Variants in OSBPL2 observed in about 807,000 individuals in gnomAD.
The protein encoded by OSBPL2 is oxysterol-binding protein-related protein 2.
A neutral mutation model predicts 58.4 loss-of-function variants in OSBPL2; 18 were observed. The ratio of observed to expected loss-of-function variants is 0.31; its 90% confidence interval spans 0.21 to 0.46. OSBPL2 has a LOEUF of 0.46. Ranked by LOEUF, OSBPL2 falls within the 20% of genes least tolerant of loss-of-function variation. The pLI, the probability that OSBPL2 is intolerant of heterozygous loss-of-function variation, is 1.00. For synonymous variants in OSBPL2, 221 were observed against 234.1 expected, an observed-to-expected ratio of 0.94 and a Z score of 0.51; for missense variants, 461 against 616.5, an observed-to-expected ratio of 0.75 and a Z score of 2.67.
chr20:62,280,393 C>T (rs28653375), intron 7 of OSBPL2, among the ~76,000 whole-genome samples: 25,165 of 152,192 alleles, frequency 0.17, 2,228 homozygotes, highest in East Asian at 0.2. Flanking sequence ...AAGTTGCACA[C>T]CTTGCTGATA....
At chr20:62,279,130 GTC>G (rs1982610746) in intron 6 of OSBPL2, 25 bp from the exon 7 acceptor site, 3 of 1,583,454 alleles carry the variant, frequency 1.9e-6, no homozygotes, top group Non-Finnish European at 1.7e-6. Context: ...CCATTAATGT[GTC>G]TCTCTTTTTT....
chr20:62,265,683 A>G (rs1358342918), intron 4 of OSBPL2, among the ~76,000 whole-genome samples: 1 of 152,250 alleles, frequency 6.6e-6, no homozygotes, highest in African/African-American at 2.4e-5. Flanking sequence ...TTTTAAAATA[A>G]ACCATTTGAG....
At chr20:62,285,173 G>A (rs1983033405) in intron 10 of OSBPL2, 2 of 152,158 alleles carry the variant, frequency 1.3e-5, no homozygotes, top group South Asian at 2.1e-4. Flanking sequence ...GTATTCATTT[G>A]TGCTGTTAGA....
At position 62,248,099 on chromosome 20, in the gene OSBPL2, T is replaced by C. The variant is rs565427220; in HGVS notation, c.-128-7958T>C. On this transcript the variant is annotated intron_variant, in intron 1 of 13. Coordinates refer to ENST00000313733, the MANE Select transcript of OSBPL2 (RefSeq NM_144498.4). ...TGCTTGCTGATGTATTTTTAAATTA[T>C]GAAATAAAACTTATATTTTCTCTCT... 5.3e-5 allele frequency among the ~76,000 whole-genome samples: 8 copies of C among 152,210 alleles called. No individual in the cohort carries two copies. The East Asian group carries it at 1.2e-3, about 22-fold the overall frequency.
chr20:62,294,030 GTA>G lies in OSBPL2; in HGVS notation c.*144_*145del. ...GATAGCATCATCCCTGATCAAGGAT[GTA>G]ATTCTAATTAACTGTTGATTGCCAA... On this transcript the variant is annotated 3_prime_UTR_variant, in exon 14 of 14. Transcript: ENST00000313733. 1.8e-6 allele frequency: 2 copies of G among 1,115,746 alleles called. No individual in the cohort carries two copies. Among genetic ancestry groups the G allele is most frequent in the Non-Finnish European group, 2.5e-6 (2 of 813,150 alleles). 69.1% of individuals were successfully genotyped at this position (1,115,746 alleles called of 1,614,324 possible). A position where few individuals can be genotyped will look rare whatever the true frequency, so the allele number is the denominator to read the frequency against.
chr20:62,282,177 G>C, intron 9 of OSBPL2: 1 of 251,894 alleles, frequency 4.0e-6, no homozygotes, highest in East Asian at 8.0e-5. Context: ...GGAGATGAGA[G>C]GGGACTGTTT....
intron 5 of OSBPL2, 43 bp from the exon 6 acceptor site, chr20:62,273,266 C>G (rs370379692): frequency 1.3e-6 from 2 of 1,523,104 alleles, no homozygotes; most frequent in Non-Finnish European, 1.8e-6. Context: ...CAGCGCGTTT[C>G]CTAACTGAAG....
chr20:62,294,379 A>G lies in OSBPL2; in HGVS notation c.*492A>G, dbSNP rs1983728798. ...CAGGGATTGCCTTCTAAATTATGAT[A>G]AAACAGAAGTGAAGAGTTTCAGAGC... On this transcript the variant is annotated 3_prime_UTR_variant, in exon 14 of 14. Coordinates refer to ENST00000313733, the MANE Select transcript of OSBPL2 (RefSeq NM_144498.4). 1 of 154,780 alleles carries G rather than the reference A, an allele frequency of 6.5e-6. No individual in the cohort carries two copies. The highest frequency in any genetic ancestry group is 1.4e-5 in the Non-Finnish European group (1 of 69,616). 9.6% of individuals were successfully genotyped at this position (154,780 alleles called of 1,614,324 possible). A position where few individuals can be genotyped will look rare whatever the true frequency, so the allele number is the denominator to read the frequency against.
intron 6 of OSBPL2, among the ~76,000 whole-genome samples, chr20:62,276,510 C>A (rs1982395352): frequency 6.6e-6 from 1 of 152,198 alleles, no homozygotes; most frequent in Non-Finnish European, 1.5e-5. Context: ...TGGTCCTTAC[C>A]CACATGCTGC....
chr20:62,253,684 A>G (rs1005139979), intron 1 of OSBPL2, among the ~76,000 whole-genome samples: 2 of 140,098 alleles, frequency 1.4e-5, no homozygotes, highest in Admixed American at 7.2e-5. Context: ...AGAGGAGGGA[A>G]GAGAGCGGGA....
intron 1 of OSBPL2, among the ~76,000 whole-genome samples, chr20:62,240,168 A>G (rs549781777): frequency 6.6e-6 from 1 of 152,058 alleles, no homozygotes; most frequent in East Asian, 1.9e-4. Flanking sequence ...ATCATTTTCT[A>G]CCACAGTCTC....
At chr20:62,283,066 T>G (rs917887032) in intron 9 of OSBPL2, among the ~76,000 whole-genome samples, 1 of 152,214 alleles carries the variant, frequency 6.6e-6, no homozygotes, top group African/African-American at 2.4e-5. Flanking sequence ...CAGCTGGCTG[T>G]CTGTTTCCAG....
intron 1 of OSBPL2, chr20:62,242,587 A>G (rs564136774): frequency 1.3e-5 from 2 of 152,356 alleles, no homozygotes; most frequent in Non-Finnish European, 2.9e-5. Context: ...GGCTGGCTCC[A>G]TAGTTTGGGG....
At chr20:62,243,879 G>T (rs1410534245) in intron 1 of OSBPL2, among the ~76,000 whole-genome samples, 1 of 151,902 alleles carries the variant, frequency 6.6e-6, no homozygotes, top group East Asian at 1.9e-4. Context: ...TTTGCAGAGG[G>T]TAGGGGGGTT....
chr20:62,292,200 C>T (rs1983567416), intron 13 of OSBPL2, among the ~76,000 whole-genome samples: 1 of 152,204 alleles, frequency 6.6e-6, no homozygotes, highest in South Asian at 2.1e-4. Flanking sequence ...GAAAATGTTG[C>T]CTGAATGTGA....
intron 1 of OSBPL2, among the ~76,000 whole-genome samples, chr20:62,250,238 A>G (rs1352457999): frequency 2.0e-5 from 3 of 152,180 alleles, no homozygotes; most frequent in Non-Finnish European, 4.4e-5. Flanking sequence ...GGGTAGTAGT[A>G]TGGGCTCTGG....
intron 1 of OSBPL2, among the ~76,000 whole-genome samples, chr20:62,251,494 T>C (rs6062169): frequency 0.87 from 131,242 of 150,580 alleles, 57,857 homozygotes; most frequent in East Asian, 0.98. Context: ...CTGCAACCTC[T>C]GCCTCCTGGG....
rs1447826524 is a variant in OSBPL2 at position 62,260,114 on chromosome 20, T to G, written c.171T>G (p.Ile57Met). Residue 57 changes from isoleucine (I) to methionine (M), a missense_variant, in exon 3 of 14, where the codon ATT becomes ATG. Coordinates refer to ENST00000313733, the MANE Select transcript of OSBPL2 (RefSeq NM_144498.4). ...TGERPSQENGIQKHRTSLPAP... is the reference protein window; with the variant it reads ...TGERPSQENGMQKHRTSLPAP... ...AGAGGCCCTCTCAAGAGAACGGAAT[T>G]CAGAAACACAGGTATGTTCTCTCAC... 5 of 1,613,738 alleles carry G rather than the reference T, an allele frequency of 3.1e-6. No individual in the cohort carries two copies. The Middle Eastern group carries it at 5.0e-4, about 160-fold the overall frequency.
chr20:62,263,760 G>A (rs1427319809), intron 4 of OSBPL2, 69 bp downstream of exon 4: 3 of 1,410,206 alleles, frequency 2.1e-6, no homozygotes, highest in Non-Finnish European at 3.0e-6. Flanking sequence ...TTGCAGTGCT[G>A]GTGGTTTAAG....
Sources: allele counts gnomAD v4.1 joint callset (sites outside exome capture counted in the v4.1 genomes callset), GRCh38; gene constraint gnomAD v4.1.1; transcripts MANE v1.5; gene names NCBI Gene and HGNC (gene_info 2026-07-23, HGNC 2026-07-21).